CNTN4: variants seen among roughly 807,000 people sequenced by gnomAD.
CNTN4 encodes contactin 4.
Under a neutral mutation model 122.5 loss-of-function variants are expected in CNTN4, and 77 were observed. That is an observed-to-expected ratio of 0.63 (90% CI 0.52 to 0.76). The LOEUF is 0.76. Ranked by LOEUF, CNTN4 falls within the 30% of genes least tolerant of loss-of-function variation. The pLI is 0.00. For synonymous variants in CNTN4, 512 were observed against 447.0 expected, an observed-to-expected ratio of 1.15 and a Z score of -1.83; for missense variants, 1,256 against 1,259.1, an observed-to-expected ratio of 1.00 and a Z score of 0.04.
In CNTN4 at chr3:2,220,208, C is replaced by G. The variant is rs1374429582; in HGVS notation, c.-144-118970C>G. On this transcript the variant is annotated intron_variant, in intron 2 of 24. Transcript: ENST00000418658. Reference sequence around the variant, plus strand: ...GTCAGTTTGTCCATTTTCTGGATTTCCCCAGATCTTCTCATTTGGAATTAC... The same window carrying G: ...GTCAGTTTGTCCATTTTCTGGATTTGCCCAGATCTTCTCATTTGGAATTAC... Among the ~76,000 whole-genome samples, 4 of 152,068 alleles carry G rather than the reference C, an allele frequency of 2.6e-5. No homozygotes were observed. In the East Asian group the frequency reaches 7.7e-4, roughly 29 times the overall value.
intron 7 of CNTN4, among the ~76,000 whole-genome samples, chr3:2,845,596 C>T (rs1009903055): frequency 3.3e-5 from 5 of 152,146 alleles, no homozygotes; most frequent in Admixed American, 1.3e-4. Flanking sequence ...GTAGGACAAG[C>T]GGGTTTTTCA....
chr3:2,303,428 C>T (rs2042596492), intron 2 of CNTN4, among the ~76,000 whole-genome samples: 1 of 152,230 alleles, frequency 6.6e-6, no homozygotes, highest in East Asian at 1.9e-4. Flanking sequence ...CCCGACATTT[C>T]ATTAAATGGA....
intron 7 of CNTN4, among the ~76,000 whole-genome samples, chr3:2,854,401 T>G (rs1254380567): frequency 2.7e-5 from 4 of 150,252 alleles, no homozygotes; most frequent in African/African-American, 9.8e-5. Context: ...GCCTCCCAAT[T>G]AGTTGGGATT....
chr3:2,571,159 C>G (rs1024996967), intron 3 of CNTN4, among the ~76,000 whole-genome samples: 3 of 152,048 alleles, frequency 2.0e-5, no homozygotes, highest in Non-Finnish European at 4.4e-5. Flanking sequence ...TGGTTCATGC[C>G]TAATCAGAAA....
intron 4 of CNTN4, among the ~76,000 whole-genome samples, chr3:2,611,566 C>T (rs1054195212): frequency 1.3e-5 from 2 of 152,092 alleles, no homozygotes; most frequent in African/African-American, 2.4e-5. Flanking sequence ...ATAAATGTGA[C>T]TTAGATACGT....
chr3:2,892,665 C>T (rs9840440), intron 10 of CNTN4, among the ~76,000 whole-genome samples: 2 of 152,022 alleles, frequency 1.3e-5, no homozygotes, highest in Non-Finnish European at 2.9e-5. Flanking sequence ...GTGTGAACTA[C>T]AAGAGCCTGA....
chr3:2,400,047 G>T (rs948915785), intron 3 of CNTN4, among the ~76,000 whole-genome samples: 9 of 151,898 alleles, frequency 5.9e-5, no homozygotes, highest in African/African-American at 2.2e-4. Context: ...CTAATTACGG[G>T]CTTGGGTTTT....
intron 4 of CNTN4, among the ~76,000 whole-genome samples, chr3:2,572,756 G>A (rs1170128724): frequency 6.6e-6 from 1 of 152,110 alleles, no homozygotes; most frequent in African/African-American, 2.4e-5. Flanking sequence ...CTGGGATCTG[G>A]GAATATAATC....
intron 6 of CNTN4, among the ~76,000 whole-genome samples, chr3:2,815,339 A>G (rs1271096300): frequency 6.6e-6 from 1 of 152,224 alleles, no homozygotes; most frequent in Non-Finnish European, 1.5e-5. Flanking sequence ...TCATCTATAC[A>G]TCTGACAAAG....
chr3:2,710,528 T>C (rs1041288197), intron 4 of CNTN4, among the ~76,000 whole-genome samples: 3 of 152,214 alleles, frequency 2.0e-5, no homozygotes, highest in African/African-American at 7.2e-5. Context: ...AAACTAATTT[T>C]TTTTGTTACT....
intron 2 of CNTN4, among the ~76,000 whole-genome samples, chr3:2,142,097 G>A (rs2125340943): frequency 6.6e-6 from 1 of 152,298 alleles, no homozygotes; most frequent in East Asian, 1.9e-4. Flanking sequence ...ATGTAAATGT[G>A]ATGGACACTG....
intron 4 of CNTN4, among the ~76,000 whole-genome samples, chr3:2,647,526 T>G (rs2083183532): frequency 6.6e-6 from 1 of 152,212 alleles, no homozygotes; most frequent in Admixed American, 6.5e-5. Context: ...TTTTATAGCC[T>G]GTGCATCAGA....
chr3:2,970,004 C>T (rs1577446570), intron 13 of CNTN4, among the ~76,000 whole-genome samples: 1 of 152,222 alleles, frequency 6.6e-6, no homozygotes, highest in South Asian at 2.1e-4. Flanking sequence ...GAGTACCAAC[C>T]CTCTGCACAG....
intron 2 of CNTN4, among the ~76,000 whole-genome samples, chr3:2,170,496 TCTC>T (rs1285057536): frequency 6.6e-6 from 1 of 152,146 alleles, no homozygotes; most frequent in Admixed American, 6.5e-5. Flanking sequence ...GTAAACACAC[TCTC>T]CTCCTAAATG....
chr3:2,439,013 G>A (rs2048345634), intron 3 of CNTN4, among the ~76,000 whole-genome samples: 1 of 152,170 alleles, frequency 6.6e-6, no homozygotes, highest in South Asian at 2.1e-4. Context: ...TGTGGCCATG[G>A]TCACCCTGCT....
intron 2 of CNTN4, among the ~76,000 whole-genome samples, chr3:2,159,030 C>T (rs552582844): frequency 8.7e-4 from 133 of 152,054 alleles, no homozygotes; most frequent in African/African-American, 2.9e-3. Flanking sequence ...GTTGGAATCC[C>T]GAGAGGCAGC....
chr3:2,600,284 A>G (rs2080979457), intron 4 of CNTN4, among the ~76,000 whole-genome samples: 2 of 151,860 alleles, frequency 1.3e-5, no homozygotes, highest in South Asian at 4.2e-4. Flanking sequence ...TACACACGCC[A>G]TGTTGTGTGC....
chr3:2,349,045 TTTAA>T (rs1292758661), intron 3 of CNTN4, among the ~76,000 whole-genome samples: 2 of 152,212 alleles, frequency 1.3e-5, no homozygotes, highest in African/African-American at 4.8e-5. Flanking sequence ...TATTTGATTC[TTTAA>T]TTATTTCCAG....
chr3:2,811,466 T>C (rs2092608394), intron 6 of CNTN4, among the ~76,000 whole-genome samples: 1 of 150,906 alleles, frequency 6.6e-6, no homozygotes, highest in South Asian at 2.1e-4. Context: ...TTTATTTATT[T>C]ATTTATTTAT....
Sources: gnomAD v4.1 joint callset for allele counts (sites outside exome capture counted in the v4.1 genomes callset) on GRCh38, gnomAD v4.1.1 for gene constraint, MANE v1.5 for transcripts, NCBI Gene and HGNC (gene_info 2026-07-23, HGNC 2026-07-21) for gene names.